The following CIMIP1 variants were observed in gnomAD, a reference collection of about 807,000 sequenced individuals.
CIMIP1 encodes low in lung cancer 1.
At chr20:58,153,450 G>A in the CIMIP1 span, 1 of 936,716 alleles carries the variant, frequency 1.1e-6, no homozygotes, top group East Asian at 2.5e-5. Context: ...CAGAACCACT[G>A]CCCAGTCAAT....
chr20:58,156,734 C>T, the CIMIP1 span, among the ~76,000 whole-genome samples: 1 of 152,190 alleles, frequency 6.6e-6, no homozygotes, highest in Non-Finnish European at 1.5e-5. Flanking sequence ...GCTCAGATCC[C>T]TCTAGAAACA....
At chr20:58,153,734 G>A in the CIMIP1 span, 938 of 838,494 alleles carry the variant, frequency 1.1e-3, 11 homozygotes, top group East Asian at 0.023. Context: ...CATGTTGTAG[G>A]CAAAGATCAC....
chr20:58,159,881 C>A, the CIMIP1 span, among the ~76,000 whole-genome samples: 1 of 152,216 alleles, frequency 6.6e-6, no homozygotes, highest in Non-Finnish European at 1.5e-5. Flanking sequence ...CGTCCACCAG[C>A]AGCAGCCAGC....
chr20:58,153,451 C>T, the CIMIP1 span: 1 of 942,534 alleles, frequency 1.1e-6, no homozygotes, highest in Non-Finnish European at 1.7e-6. Flanking sequence ...AGAACCACTG[C>T]CCAGTCAATG....
the CIMIP1 span, chr20:58,160,732 G>C: frequency 1.0e-4 from 161 of 1,614,040 alleles, 1 homozygote; most frequent in Non-Finnish European, 1.3e-4. Context: ...TGCCAGGCCT[G>C]AACAAGTGCC....
At chr20:58,155,493 C>T in the CIMIP1 span, 1 of 1,614,090 alleles carries the variant, frequency 6.2e-7, no homozygotes. Context: ...GAAGATCTCC[C>T]CACCCCAAAG....
chr20:58,154,690 G>A, the CIMIP1 span, among the ~76,000 whole-genome samples: 1 of 152,150 alleles, frequency 6.6e-6, no homozygotes, highest in Non-Finnish European at 1.5e-5. Context: ...TTCTTTATAT[G>A]TAATTAAATT....
At chr20:58,153,728 T>C in the CIMIP1 span, 11 of 890,360 alleles carry the variant, frequency 1.2e-5, no homozygotes, top group Admixed American at 1.2e-4. Context: ...AAAGAGCATG[T>C]TGTAGGCAAA....
chr20:58,150,965 A>G, the CIMIP1 span: 2 of 1,605,058 alleles, frequency 1.2e-6, no homozygotes, highest in South Asian at 1.1e-5. Flanking sequence ...CCCAGGCCTC[A>G]TGGCGCAGAA....
At chr20:58,155,984 C>T in the CIMIP1 span, among the ~76,000 whole-genome samples, 1 of 152,166 alleles carries the variant, frequency 6.6e-6, no homozygotes, top group Non-Finnish European at 1.5e-5. Flanking sequence ...CTGTGTCTCC[C>T]CTGCCTGTCT....
At chr20:58,152,282 C>A in the CIMIP1 span, among the ~76,000 whole-genome samples, 1 of 152,182 alleles carries the variant, frequency 6.6e-6, no homozygotes, top group East Asian at 1.9e-4. Context: ...ACCATACAAA[C>A]TTCTGCTCAT....
the CIMIP1 span, among the ~76,000 whole-genome samples, chr20:58,151,314 G>A: frequency 6.6e-6 from 1 of 151,900 alleles, no homozygotes; most frequent in African/African-American, 2.4e-5. Flanking sequence ...AGATTGGCTT[G>A]TTGAAATCCA....
the CIMIP1 span, among the ~76,000 whole-genome samples, chr20:58,159,920 G>A: frequency 2.3e-3 from 350 of 152,256 alleles, 2 homozygotes; most frequent in African/African-American, 7.4e-3. Context: ...TCCTGCCACC[G>A]CCTCACCGGC....
chr20:58,153,590 C>T, the CIMIP1 span: 2 of 1,614,134 alleles, frequency 1.2e-6, no homozygotes, highest in Non-Finnish European at 1.7e-6. Context: ...GAACTGGCCC[C>T]AGAACTGGGG....
At chr20:58,152,447 TAA>T in the CIMIP1 span, among the ~76,000 whole-genome samples, 1 of 152,052 alleles carries the variant, frequency 6.6e-6, no homozygotes, top group Non-Finnish European at 1.5e-5. Flanking sequence ...AAAGATTATT[TAA>T]GTGACTGTCA....
the CIMIP1 span, chr20:58,160,730 C>T: frequency 3.7e-6 from 6 of 1,614,054 alleles, no homozygotes; most frequent in African/African-American, 8.0e-5. Context: ...AGTGCCAGGC[C>T]TGAACAAGTG....
At chr20:58,158,520 G>C in the CIMIP1 span, among the ~76,000 whole-genome samples, 1 of 152,182 alleles carries the variant, frequency 6.6e-6, no homozygotes, top group Non-Finnish European at 1.5e-5. Flanking sequence ...CATGGCGGTG[G>C]GTGCCTGTAG....
At chr20:58,153,577 G>C in the CIMIP1 span, 1 of 1,614,180 alleles carries the variant, frequency 6.2e-7, no homozygotes. Flanking sequence ...CGGAAGCACG[G>C]CAGAACTGGC....
the CIMIP1 span, among the ~76,000 whole-genome samples, chr20:58,157,821 G>A: frequency 6.6e-6 from 1 of 152,226 alleles, no homozygotes; most frequent in Non-Finnish European, 1.5e-5. Flanking sequence ...TCGCTCTCCT[G>A]TGGCCTAGAA....
Sources: gnomAD v4.1 joint callset for allele counts (sites outside exome capture counted in the v4.1 genomes callset) on GRCh38, gnomAD v4.1.1 for gene constraint, MANE v1.5 for transcripts, NCBI Gene and HGNC (gene_info 2026-07-23, HGNC 2026-07-21) for gene names.